Variants in AOPEP observed in about 807,000 individuals in gnomAD.
AOPEP encodes aminopeptidase O (putative), also known as aminopeptidase O.
AOPEP carries 77 observed loss-of-function variants against 98.1 expected under a neutral mutation model. The ratio of observed to expected loss-of-function variants is 0.78; its 90% CI spans 0.65 to 0.95. The LOEUF (loss-of-function observed/expected upper bound fraction) is 0.95. AOPEP is among the 40% of genes least tolerant of loss of function. The pLI is 0.00. For missense variants in AOPEP, 1,024 were observed against 1,024.7 expected, an observed-to-expected ratio of 1.00 and a Z score of 0.01; for synonymous variants, 346 against 365.3, an observed-to-expected ratio of 0.95 and a Z score of 0.60.
intron 2 of AOPEP, among the ~76,000 whole-genome samples, chr9:94,772,082 A>T: frequency 6.6e-6 from 1 of 152,248 alleles, no homozygotes; most frequent in South Asian, 2.1e-4. Context: ...GAGTTTATCC[A>T]AAAGAAGTAG....
intron 14 of AOPEP, among the ~76,000 whole-genome samples, chr9:95,072,622 G>C (rs539963636): frequency 6.6e-6 from 1 of 152,258 alleles, no homozygotes; most frequent in African/African-American, 2.4e-5. Context: ...GACAGAGTGA[G>C]ACTCTGTCTT....
intron 3 of AOPEP, among the ~76,000 whole-genome samples, chr9:94,785,055 C>T (rs374954973): frequency 2.5e-4 from 38 of 152,328 alleles, no homozygotes; most frequent in African/African-American, 9.1e-4. Context: ...CAGCCTCAGC[C>T]TCCTGAGTAG....
At chr9:94,928,022 T>C (rs932060542) in intron 6 of AOPEP, among the ~76,000 whole-genome samples, 2 of 152,064 alleles carry the variant, frequency 1.3e-5, no homozygotes, top group African/African-American at 4.8e-5. Flanking sequence ...CTTAACAAAA[T>C]TGAGGGCTGG....
intron 14 of AOPEP, among the ~76,000 whole-genome samples, chr9:95,065,789 G>T (rs560772900): frequency 6.6e-6 from 1 of 152,184 alleles, no homozygotes; most frequent in Admixed American, 6.5e-5. Flanking sequence ...GCATTAGGCC[G>T]TTTCTCACAG....
chr9:94,981,599 A>G (rs1273038245), intron 11 of AOPEP, among the ~76,000 whole-genome samples: 1 of 150,904 alleles, frequency 6.6e-6, no homozygotes, highest in Admixed American at 6.6e-5. Flanking sequence ...CCCCTTTCCC[A>G]CTCCTTGAGA....
intron 1 of AOPEP, among the ~76,000 whole-genome samples, chr9:94,736,185 C>G (rs1227552395): frequency 3.3e-5 from 5 of 152,086 alleles, no homozygotes; most frequent in Non-Finnish European, 7.4e-5. Context: ...GAGGGGATTC[C>G]TATAGGAAGT....
chr9:94,934,876 G>A (rs569217634), intron 7 of AOPEP: 1 of 152,380 alleles, frequency 6.6e-6, no homozygotes, highest in East Asian at 1.9e-4. Flanking sequence ...CTCCACACTC[G>A]GCTGCGTGTC....
At chr9:95,004,873 C>G (rs2061835599) in intron 11 of AOPEP, 1 of 147,116 alleles carries the variant, frequency 6.8e-6, no homozygotes. Context: ...GGGAGGGCGA[C>G]CTGCGGGAGG....
chr9:94,797,515 A>G (rs551974356), intron 4 of AOPEP, among the ~76,000 whole-genome samples: 13 of 152,106 alleles, frequency 8.5e-5, no homozygotes, highest in South Asian at 2.1e-4. Flanking sequence ...CTGAGTTATC[A>G]TAGAATCATA....
intron 16 of AOPEP, 81 bp downstream of exon 16, chr9:95,082,800 T>G (rs1674146832): frequency 6.6e-7 from 1 of 1,516,632 alleles, no homozygotes; most frequent in African/African-American, 1.4e-5. Flanking sequence ...GTAAGCCGAA[T>G]AGTTAGCCAA....
intron 5 of AOPEP, among the ~76,000 whole-genome samples, chr9:94,880,693 C>A (rs532796645): frequency 2.0e-5 from 3 of 152,326 alleles, no homozygotes; most frequent in Admixed American, 2.0e-4. Context: ...GTGTACTACT[C>A]TAAAAGCATA....
At chr9:94,933,545 C>CGA in intron 7 of AOPEP, 1 of 985,290 alleles carries the variant, frequency 1.0e-6, no homozygotes, top group Non-Finnish European at 1.2e-6. Context: ...TAGATAAATG[C>CGA]GAGCATCTTT....
chr9:94,849,160 G>A (rs1477384524), intron 5 of AOPEP, among the ~76,000 whole-genome samples: 1 of 152,244 alleles, frequency 6.6e-6, no homozygotes, highest in Non-Finnish European at 1.5e-5. Context: ...GAGAGAAAGT[G>A]TGTCTTAGAA....
chr9:94,854,851 C>T (rs1341596178), intron 5 of AOPEP, among the ~76,000 whole-genome samples: 1 of 151,746 alleles, frequency 6.6e-6, no homozygotes, highest in Non-Finnish European at 1.5e-5. Context: ...GACAGAGGCA[C>T]CAAACGAGCT....
In AOPEP at chr9:94,760,273, G is replaced by A; in HGVS notation, c.490G>A (p.Val164Met). The change falls in exon 2 of 17, where the codon GTG (valine) becomes ATG (methionine). Residue 164 changes from valine (V) to methionine (M), a missense_variant. Physicochemically the swap from Val to Met is conservative, Grantham distance 21 (BLOSUM62 1). Transcript: ENST00000375315. Reference protein sequence around the residue: ...LKVEEVDVAAVPGLEKFTRSP... With the variant: ...LKVEEVDVAAMPGLEKFTRSP... ...AGTCGAGGAGGTGGATGTTGCTGCT[G>A]TGCCAGGTCTGGAAAAATTTACAAG... The A allele has an allele frequency of 6.2e-7, 1 of 1,614,182 alleles. No homozygotes were observed. The highest frequency in any genetic ancestry group is 2.2e-5 in the East Asian group (1 of 44,884).
chr9:94,744,530 G>A (rs564093701), intron 1 of AOPEP, among the ~76,000 whole-genome samples: 7 of 151,676 alleles, frequency 4.6e-5, no homozygotes, highest in Admixed American at 1.3e-4. Flanking sequence ...GAGAAACCCC[G>A]TCTCTAGTAA....
intron 5 of AOPEP, among the ~76,000 whole-genome samples, chr9:94,908,499 A>C (rs1290834697): frequency 2.6e-5 from 4 of 152,204 alleles, no homozygotes; most frequent in Non-Finnish European, 4.4e-5. Context: ...GGGAAAAGGG[A>C]GCTAACATTT....
At position 94,955,992 on chromosome 9, in the gene AOPEP, C is replaced by G. The variant is rs368648649; in HGVS notation, c.1849C>G (p.His617Asp). 2.5e-6 allele frequency: 4 copies of G among 1,611,862 alleles called. No individual in the cohort carries two copies. Among genetic ancestry groups the G allele is most frequent in the Non-Finnish European group, 2.5e-6 (3 of 1,178,390 alleles). ...SFLRKFVHTF[H>D]GQLILSQDFL... ...TTTAAGAAAATTTGTGCACACATTT[C>G]ATGGACAGCTGATTCTTTCCCAGGT... Residue 617 changes from histidine (H) to aspartate (D), a missense_variant, in exon 9 of 17, where the codon CAT (histidine) becomes GAT (aspartate). By Grantham distance (81) the His-to-Asp change is moderately conservative. Around this residue, in one of 3 missense-constraint regions of AOPEP, gnomAD observed 566 missense variants for 551.7 expected, o/e 1.03. Coordinates refer to ENST00000375315, the MANE Select transcript of AOPEP (RefSeq NM_001193329.3).
chr9:94,753,905 ATG>A (rs1186655544), intron 1 of AOPEP, among the ~76,000 whole-genome samples: 4 of 152,210 alleles, frequency 2.6e-5, no homozygotes, highest in Non-Finnish European at 5.9e-5. Context: ...TTTTACTTGC[ATG>A]TGTGCAGCTA....
Sources: allele counts gnomAD v4.1 joint callset (sites outside exome capture counted in the v4.1 genomes callset), GRCh38; gene constraint gnomAD v4.1.1; regional missense constraint gnomAD v4.1.1; transcripts MANE v1.5; gene names NCBI Gene and HGNC (gene_info 2026-07-23, HGNC 2026-07-21).